The following OTOF variants were observed in gnomAD, a reference collection of about 807,000 sequenced individuals.
The protein encoded by OTOF is fer-1-like family member 2.
Under a neutral mutation model 236.8 loss-of-function variants are expected in OTOF, and 218 were observed. The observed-to-expected ratio is 0.92, with a 90% CI of 0.82 to 1.03. The LOEUF (loss-of-function observed/expected upper bound fraction) is 1.03, where lower values mean the gene tolerates loss of function less well. Among genes scored for constraint, OTOF ranks in the 50% least tolerant of loss-of-function variants. The pLI, the probability that OTOF is intolerant of heterozygous loss-of-function variation, is 0.00. For synonymous variants in OTOF, 1,041 were observed against 1,072.5 expected (o/e 0.97, Z 0.57); for missense variants, 2,590 against 2,694.4 (o/e 0.96, Z 0.86).
At chr2:26,550,157 C>T (rs1472278425) in intron 1 of OTOF, among the ~76,000 whole-genome samples, 5 of 151,554 alleles carry the variant, frequency 3.3e-5, no homozygotes, top group African/African-American at 1.2e-4. Flanking sequence ...GCAGATTAGC[C>T]CTTCTGCTTT....
intron 11 of OTOF, among the ~76,000 whole-genome samples, chr2:26,485,824 A>G (rs1665685292): frequency 6.6e-6 from 1 of 152,182 alleles, no homozygotes; most frequent in Admixed American, 6.5e-5. Context: ...CAGAAAAGAT[A>G]ATGCCACAGT....
Position 26,475,921 on chromosome 2 carries a change from C to T in OTOF, c.2984G>A (p.Cys995Tyr), listed in dbSNP as rs1665235288. 6.2e-7 allele frequency: 1 copy of T among 1,607,590 alleles called. No individual in the cohort carries two copies. Reference protein sequence around the residue: ...ARVFFINQSQCTEVLNETLCP... With the variant: ...ARVFFINQSQYTEVLNETLCP... Reference sequence around the variant, plus strand: ...CTCCTCCCAGGCCCTCACCTCTGTGCACTGACTCTGATTGATGAAGAAGAC... The same window carrying T: ...CTCCTCCCAGGCCCTCACCTCTGTGTACTGACTCTGATTGATGAAGAAGAC... Residue 995 changes from cysteine to tyrosine, a missense_variant, in exon 24 of 47, where the codon TGC becomes TAC. Coordinates refer to ENST00000272371, the MANE Select transcript of OTOF (RefSeq NM_194248.3).
chr2:26,467,181 T>A lies in OTOF; in HGVS notation c.4280A>T (p.His1427Leu). Residue 1427 changes from histidine to leucine, a missense_variant, in exon 35 of 47, where the codon CAC becomes CTC. Around this residue, in one of 2 missense-constraint regions of OTOF, gnomAD observed 1,211 missense variants for 1,352.8 expected, o/e 0.90. Coordinates refer to ENST00000272371, the MANE Select transcript of OTOF (RefSeq NM_194248.3). ...CTTGCCCCGAAGCAAGTTGAAAGTG[T>A]GCAGCCAGTCCTCAAAGTTATCAAA... is the stretch of plus-strand genomic sequence containing the variant. ...SEFDNFEDWL[H>L]TFNLLRGKTG... is the part of the protein sequence containing the mutation. The A allele has an allele frequency of 6.2e-7, 1 of 1,614,176 alleles. No homozygotes were observed. The highest frequency in any genetic ancestry group is 8.5e-7 in the Non-Finnish European group (1 of 1,180,034).
intron 1 of OTOF, among the ~76,000 whole-genome samples, chr2:26,538,107 C>G (rs1219034871): frequency 6.6e-6 from 1 of 152,216 alleles, no homozygotes; most frequent in African/African-American, 2.4e-5. Flanking sequence ...CTCCATGGAT[C>G]TCTCAGCCTC....
Position 26,477,199 on chromosome 2 carries a change from C to G in OTOF, c.2496G>C (p.Leu832=), listed in dbSNP as rs1242794723. ...CGTCCGCCAGGAAGCGCAGCTTCTG[C>G]AGGAAGTTCTGGCACAGCCTCAGCT... ...RDKLRLCQNF[L]QKLRFLADEP... is the part of the protein sequence containing the mutation. The change falls in exon 21 of 47, where the codon CTG becomes CTC. Residue 832 remains leucine (L), a synonymous_variant. Coordinates refer to ENST00000272371, the MANE Select transcript of OTOF (RefSeq NM_194248.3). This position sits in a 1 kb window ranked among gnomAD's most constrained non-coding sequence, Gnocchi z 4.7. 1 of 1,610,916 alleles carries G rather than the reference C, an allele frequency of 6.2e-7. No individual in the cohort carries two copies. Among genetic ancestry groups the G allele is most frequent in the Non-Finnish European group, 8.5e-7 (1 of 1,179,644 alleles).
In OTOF at chr2:26,460,589, C is replaced by T; in HGVS notation, c.5813+58G>A. On this transcript the variant is annotated intron_variant, in intron 45 of 46. Coordinates refer to ENST00000272371, the MANE Select transcript of OTOF (RefSeq NM_194248.3). This position sits in a 1 kb window ranked among gnomAD's most constrained non-coding sequence, Gnocchi z 5.3. Reference sequence around the variant, plus strand: ...GGGGTGTCTGGGGATCGTCTCCTTCCTGTTCCAGCGCCTCCAAGAGCCAGA... The same window carrying T: ...GGGGTGTCTGGGGATCGTCTCCTTCTTGTTCCAGCGCCTCCAAGAGCCAGA... 7.3e-7 allele frequency: 1 copy of T among 1,362,906 alleles called. No homozygotes were observed. The highest frequency in any genetic ancestry group is 1.0e-6 in the Non-Finnish European group (1 of 956,272). The allele number at this position is 1,362,906 out of a possible 1,614,324, so 84.4% of individuals were successfully genotyped here. A position where few individuals can be genotyped will look rare whatever the true frequency, so the allele number is the denominator to read the frequency against.
At chr2:26,543,512 G>A (rs1245774875) in intron 1 of OTOF, among the ~76,000 whole-genome samples, 1 of 152,202 alleles carries the variant, frequency 6.6e-6, no homozygotes, top group African/African-American at 2.4e-5. Context: ...TTGGGCCAGA[G>A]TCCCTGAGTT....
At chr2:26,528,734 C>T (rs1204184548) in intron 2 of OTOF, among the ~76,000 whole-genome samples, 1 of 152,204 alleles carries the variant, frequency 6.6e-6, no homozygotes, top group Non-Finnish European at 1.5e-5. Context: ...TCCTCAAAGG[C>T]CCTGTTACCT....
At chr2:26,524,276 G>T (rs1318027516) in intron 3 of OTOF, among the ~76,000 whole-genome samples, 2 of 152,234 alleles carry the variant, frequency 1.3e-5, no homozygotes, top group Non-Finnish European at 2.9e-5. Flanking sequence ...GGGAAGCTGA[G>T]GCAGGTCTAT....
chr2:26,547,225 G>T (rs1451705512), intron 1 of OTOF, among the ~76,000 whole-genome samples: 1 of 152,120 alleles, frequency 6.6e-6, no homozygotes, highest in South Asian at 2.1e-4. Context: ...TGCATCTATT[G>T]ATATAATCAT....
At chr2:26,526,263 T>A (rs1666801963) in intron 3 of OTOF, among the ~76,000 whole-genome samples, 1 of 150,922 alleles carries the variant, frequency 6.6e-6, no homozygotes, top group South Asian at 2.1e-4. Context: ...GGTGAATGGA[T>A]GGATGGATGG....
chr2:26,518,774 G>A (rs756514595), intron 4 of OTOF, among the ~76,000 whole-genome samples: 32 of 152,340 alleles, frequency 2.1e-4, no homozygotes, highest in East Asian at 5.8e-4. Flanking sequence ...CATTCCCACC[G>A]TAGGAAGGGC....
intron 3 of OTOF, among the ~76,000 whole-genome samples, chr2:26,526,060 G>A (rs966204768): frequency 6.9e-6 from 1 of 145,050 alleles, no homozygotes; most frequent in South Asian, 2.2e-4. Context: ...GCACTCCACT[G>A]TGGGCCACAG....
At chr2:26,511,736 T>A (rs1666396369) in intron 5 of OTOF, among the ~76,000 whole-genome samples, 1 of 152,104 alleles carries the variant, frequency 6.6e-6, no homozygotes, top group Admixed American at 6.5e-5. Flanking sequence ...GGAGGAGGAA[T>A]GTGTCTCAAG....
At chr2:26,458,691 C>A (rs866537720) in intron 46 of OTOF, among the ~76,000 whole-genome samples, 8 of 152,354 alleles carry the variant, frequency 5.3e-5, no homozygotes, top group Middle Eastern at 6.8e-3. Context: ...AGGATGAAGA[C>A]CCACTCCACC....
chr2:26,537,870 T>A (rs1310661900), intron 1 of OTOF, 96 bp from the exon 2 acceptor site: 13 of 930,450 alleles, frequency 1.4e-5, no homozygotes, highest in Non-Finnish European at 2.2e-5. Flanking sequence ...CCTAACAGCA[T>A]TTGACTTTTC....
At chr2:26,554,162 A>G (rs1667530713) in intron 1 of OTOF, among the ~76,000 whole-genome samples, 1 of 71,682 alleles carries the variant, frequency 1.4e-5, no homozygotes, top group South Asian at 6.3e-4. Context: ...ACAGAGCGAG[A>G]CTCAAAAAAA....
rs1664920510 is a variant in OTOF at position 26,470,472 on chromosome 2, C to T, written c.4023+121G>A. 1.0e-6 allele frequency: 1 copy of T among 995,322 alleles called. No homozygotes were observed. The highest frequency in any genetic ancestry group is 1.6e-6 in the Non-Finnish European group (1 of 627,812). 61.7% of individuals were successfully genotyped at this position (995,322 alleles called of 1,614,324 possible). A position where few individuals can be genotyped will look rare whatever the true frequency, so the allele number is the denominator to read the frequency against. On this transcript the variant is annotated intron_variant, in intron 32 of 46. Coordinates refer to ENST00000272371, the MANE Select transcript of OTOF (RefSeq NM_194248.3). This position sits in a 1 kb window ranked among gnomAD's most constrained non-coding sequence, Gnocchi z 4.3. ...AGGATTTCAAGGATGTGAGACAAAACCATCCCAAACTCACATGAATGGAGT... is the reference window on the plus strand; with the variant it reads ...AGGATTTCAAGGATGTGAGACAAAATCATCCCAAACTCACATGAATGGAGT...
chr2:26,498,104 T>A (rs956425537), intron 8 of OTOF, among the ~76,000 whole-genome samples: 2 of 152,254 alleles, frequency 1.3e-5, no homozygotes, highest in Non-Finnish European at 2.9e-5. Context: ...TTGGTTTTTA[T>A]GTTTTCCATC....
Sources: allele counts gnomAD v4.1 joint callset (sites outside exome capture counted in the v4.1 genomes callset), GRCh38; gene constraint gnomAD v4.1.1; regional missense constraint gnomAD v4.1.1; non-coding constraint Gnocchi (gnomAD v3.1); transcripts MANE v1.5; gene names NCBI Gene and HGNC (gene_info 2026-07-23, HGNC 2026-07-21).